Variants in UBE4B observed in about 807,000 individuals in gnomAD.
UBE4B encodes ubiquitin conjugation factor E4 B.
Under a neutral mutation model 148.1 loss-of-function variants are expected in UBE4B, and 27 were observed. The observed-to-expected ratio is 0.18, with a 90% CI of 0.13 to 0.25. UBE4B has a LOEUF of 0.25. Among genes scored for constraint, UBE4B ranks in the 10% least tolerant of loss-of-function variants. The pLI is 1.00. For missense variants in UBE4B, 1,170 were observed against 1,662.4 expected, an observed-to-expected ratio of 0.70 and a Z score of 5.15; for synonymous variants, 596 against 619.3, an observed-to-expected ratio of 0.96 and a Z score of 0.56.
chr1:10,138,568 C>T (rs886875340), intron 17 of UBE4B, among the ~76,000 whole-genome samples: 2 of 152,096 alleles, frequency 1.3e-5, no homozygotes, highest in African/African-American at 2.4e-5. Flanking sequence ...GTTAACTCTG[C>T]AAATTCTTTA....
chr1:10,125,479 C>T (rs1017725772), intron 10 of UBE4B, among the ~76,000 whole-genome samples: 1 of 152,330 alleles, frequency 6.6e-6, no homozygotes, highest in South Asian at 2.1e-4. Context: ...CAACACTCCA[C>T]GGACACTTTG....
At chr1:10,038,029 C>G (rs1269075730) in intron 1 of UBE4B, among the ~76,000 whole-genome samples, 1 of 151,958 alleles carries the variant, frequency 6.6e-6, no homozygotes, top group Admixed American at 6.6e-5. Context: ...GCCTGTAATC[C>G]CAGCGCTTTG....
At chr1:10,122,404 T>C (rs893076450) in intron 10 of UBE4B, among the ~76,000 whole-genome samples, 6 of 152,226 alleles carry the variant, frequency 3.9e-5, no homozygotes, top group Admixed American at 2.6e-4. Context: ...TAAGGCATGA[T>C]ATGCATTTGC....
At chr1:10,131,734 C>T (rs1161571974) in intron 14 of UBE4B, among the ~76,000 whole-genome samples, 1 of 151,846 alleles carries the variant, frequency 6.6e-6, no homozygotes, top group Non-Finnish European at 1.5e-5. Context: ...AGGTGGATCA[C>T]GAGGTCAGCA....
intron 25 of UBE4B, among the ~76,000 whole-genome samples, chr1:10,173,917 T>G (rs1646375863): frequency 6.6e-6 from 1 of 152,202 alleles, no homozygotes; most frequent in Admixed American, 6.5e-5. Flanking sequence ...AACCACACAT[T>G]GCATTGCCTG....
rs1401420019 is a variant in UBE4B, at chr1:10,180,872, A to T, written c.*916A>T. The T allele has an allele frequency of 6.6e-6, 1 of 151,924 alleles. No individual in the cohort carries two copies. Among genetic ancestry groups the T allele is most frequent in the African/African-American group, 2.4e-5 (1 of 41,190 alleles). 9.4% of individuals were successfully genotyped at this position (151,924 alleles called of 1,614,324 possible). ...CCTCTGGGGGTAAATCAATTCTTCA[A>T]CCCTTGGGTGTGTGAGTTTGAGGCA... is the stretch of plus-strand genomic sequence containing the variant. On this transcript the variant is annotated 3_prime_UTR_variant, in exon 28 of 28. Coordinates refer to ENST00000343090, the MANE Select transcript of UBE4B (RefSeq NM_001105562.3).
intron 1 of UBE4B, among the ~76,000 whole-genome samples, chr1:10,049,360 G>A (rs551630060): frequency 8.7e-4 from 133 of 152,210 alleles, no homozygotes; most frequent in Non-Finnish European, 1.6e-3. Context: ...AAGGGGGTAC[G>A]GTTGATGGGG....
At chr1:10,060,333 G>C (rs774227226) in intron 1 of UBE4B, among the ~76,000 whole-genome samples, 1 of 152,132 alleles carries the variant, frequency 6.6e-6, no homozygotes, top group Non-Finnish European at 1.5e-5. Context: ...CTACAAACCT[G>C]TACTGCATGT....
intron 1 of UBE4B, among the ~76,000 whole-genome samples, chr1:10,060,587 T>G (rs986490282): frequency 6.6e-6 from 1 of 152,108 alleles, no homozygotes; most frequent in East Asian, 1.9e-4. Flanking sequence ...GGCATTTTCC[T>G]TTACCAAAAC....
intron 10 of UBE4B, among the ~76,000 whole-genome samples, chr1:10,124,390 G>A (rs1441262335): frequency 6.6e-6 from 1 of 152,086 alleles, no homozygotes; most frequent in African/African-American, 2.4e-5. Flanking sequence ...TTGAACTCTT[G>A]GCCTCAAGGC....
chr1:10,051,542 AC>A (rs1644044828), intron 1 of UBE4B, among the ~76,000 whole-genome samples: 1 of 152,092 alleles, frequency 6.6e-6, no homozygotes, highest in Non-Finnish European at 1.5e-5. Flanking sequence ...CTCTCCCCCG[AC>A]CCATTAGTTC....
At chr1:10,096,314 A>G (rs1306884862) in intron 3 of UBE4B, among the ~76,000 whole-genome samples, 3 of 152,138 alleles carry the variant, frequency 2.0e-5, no homozygotes, top group African/African-American at 7.2e-5. Context: ...TGTGCCAAAA[A>G]TGGGTGGTAA....
chr1:10,126,142 T>C (rs1293890265), intron 10 of UBE4B, among the ~76,000 whole-genome samples: 1 of 151,962 alleles, frequency 6.6e-6, no homozygotes, highest in Non-Finnish European at 1.5e-5. Flanking sequence ...CTACTAAAAA[T>C]ACAAAAATTA....
Position 10,095,363 on chromosome 1 carries a change from A to G in UBE4B, c.212-98A>G, listed in dbSNP as rs1300524972. On this transcript the variant is annotated intron_variant, in intron 2 of 27. Coordinates refer to ENST00000343090, the MANE Select transcript of UBE4B (RefSeq NM_001105562.3). Reference sequence around the variant, plus strand: ...ATTCCTCGGTTGCTGCAATGTCATGATGGGTGACTGCAGATTGTGCGTGTT... The same window carrying G: ...ATTCCTCGGTTGCTGCAATGTCATGGTGGGTGACTGCAGATTGTGCGTGTT... The G allele has an allele frequency of 2.8e-6, 4 of 1,452,296 alleles. No individual in the cohort carries two copies. The African/African-American group carries it at 4.2e-5, about 15-fold the overall frequency. 90.0% of individuals were successfully genotyped at this position (1,452,296 alleles called of 1,614,324 possible).
In UBE4B at chr1:10,147,090, A is replaced by C; in HGVS notation, c.2591A>C (p.Asp864Ala). The C allele has an allele frequency of 6.2e-7, 1 of 1,614,000 alleles. No individual in the cohort carries two copies. The highest frequency in any genetic ancestry group is 8.5e-7 in the Non-Finnish European group (1 of 1,179,996). Residue 864 changes from aspartate (D) to alanine (A), a missense_variant and splice_region_variant, in exon 19 of 28, where the codon GAT (aspartate) becomes GCT (alanine). By Grantham distance (126) the Asp-to-Ala change is moderately radical (BLOSUM62 -2). Coordinates refer to ENST00000343090, the MANE Select transcript of UBE4B (RefSeq NM_001105562.3). Reference sequence around the variant, plus strand: ...CGCATCCTGGACCCCGCATATCCCGAGTGAGTGTGCTTCTTCCTGTTTCCC... The same window carrying C: ...CGCATCCTGGACCCCGCATATCCCGCGTGAGTGTGCTTCTTCCTGTTTCCC... ...LLRILDPAYP[D>A]ITLPLNSDVP... is the part of the protein sequence containing the mutation.
At chr1:10,045,493 C>T (rs1643892517) in intron 1 of UBE4B, among the ~76,000 whole-genome samples, 1 of 151,934 alleles carries the variant, frequency 6.6e-6, no homozygotes, top group Admixed American at 6.6e-5. Context: ...GTTTAATGTG[C>T]CATATTTTGT....
intron 1 of UBE4B, among the ~76,000 whole-genome samples, chr1:10,061,077 T>A (rs183209673): frequency 4.7e-4 from 72 of 152,208 alleles, no homozygotes; most frequent in African/African-American, 1.6e-3. Flanking sequence ...TTTTTTTTTT[T>A]ATCTCAAAAG....
intron 21 of UBE4B, among the ~76,000 whole-genome samples, chr1:10,151,863 T>A (rs944803067): frequency 6.6e-6 from 1 of 151,968 alleles, no homozygotes; most frequent in Non-Finnish European, 1.5e-5. Flanking sequence ...CTGAATGGAA[T>A]TATCTGGTTC....
intron 2 of UBE4B, among the ~76,000 whole-genome samples, chr1:10,083,377 C>T (rs1644714973): frequency 6.6e-6 from 1 of 152,122 alleles, no homozygotes; most frequent in African/African-American, 2.4e-5. Flanking sequence ...TCAATTTCCC[C>T]TCATTTTCCT....
Sources: gnomAD v4.1 joint callset for allele counts (sites outside exome capture counted in the v4.1 genomes callset) on GRCh38, gnomAD v4.1.1 for gene constraint, MANE v1.5 for transcripts, NCBI Gene and HGNC (gene_info 2026-07-23, HGNC 2026-07-21) for gene names.